The following APLF variants were observed in gnomAD, a reference collection of about 807,000 sequenced individuals.
The protein encoded by APLF is aprataxin and PNKP like factor, also known as aprataxin and PNK-like factor.
In APLF, 61 loss-of-function variants were observed where a neutral mutation model predicts 55.6. That is an observed-to-expected ratio of 1.10 (90% CI 0.89 to 1.36). The LOEUF is 1.36. Among genes scored for constraint, APLF ranks in the 40% most tolerant of loss-of-function variants. The pLI, the probability that APLF is intolerant of heterozygous loss-of-function variation, is 0.00. For synonymous variants in APLF, 207 were observed against 214.8 expected (o/e 0.96, Z 0.32); for missense variants, 611 against 602.5 (o/e 1.01, Z -0.15).
chr2:68,554,817 G>GA (rs913685247), intron 8 of APLF, among the ~76,000 whole-genome samples: 35 of 149,228 alleles, frequency 2.3e-4, no homozygotes, highest in Middle Eastern at 3.5e-3. Context: ...TAGGGTTTTA[G>GA]AAAAAAAAAT....
intron 2 of APLF, among the ~76,000 whole-genome samples, chr2:68,495,803 T>C (rs112025720): frequency 0.026 from 3,915 of 152,352 alleles, 67 homozygotes; most frequent in South Asian, 0.043. Flanking sequence ...GCACTCTGTG[T>C]ACCCACAGGC....
At chr2:68,548,571 A>G (rs1189061300) in intron 8 of APLF, among the ~76,000 whole-genome samples, 1 of 151,978 alleles carries the variant, frequency 6.6e-6, no homozygotes, top group African/African-American at 2.4e-5. Flanking sequence ...TATTCATTCA[A>G]CAAATTCTTT....
In APLF at chr2:68,578,655, T is replaced by C. The variant is rs1050372535; in HGVS notation, c.*633T>C. ...AGGGAATGTTATTTTGTGTTCCACA[T>C]CTGCAATTTACTGTATGTTTGAATT... On this transcript the variant is annotated 3_prime_UTR_variant, in exon 10 of 10. Coordinates refer to ENST00000303795, the MANE Select transcript of APLF (RefSeq NM_173545.3). 4.1e-6 allele frequency: 4 copies of C among 985,232 alleles called. No individual in the cohort carries two copies. In the African/African-American group the frequency reaches 7.0e-5, roughly 17 times the overall value. The allele number at this position is 985,232 out of a possible 1,614,324, so 61.0% of individuals were successfully genotyped here. A position where few individuals can be genotyped will look rare whatever the true frequency, so the allele number is the denominator to read the frequency against.
intron 2 of APLF, among the ~76,000 whole-genome samples, chr2:68,491,988 A>G (rs1489544969): frequency 1.3e-5 from 2 of 152,240 alleles, no homozygotes; most frequent in African/African-American, 2.4e-5. Context: ...TATCAAAAAT[A>G]GGTGATTAGA....
Position 68,475,881 on chromosome 2 carries a change from T to TTATATATATA in APLF, c.96+8062_96+8071dup, listed in dbSNP as rs141693033. ...CCAGTCTGGATTCAGTTTAAGTCTTTTATATATATATATATATTTTACTTA... is the reference window on the plus strand; with the variant it reads ...CCAGTCTGGATTCAGTTTAAGTCTTTTATATATATATATATATATATATATATTTTACTTA... On this transcript the variant is annotated intron_variant, in intron 1 of 9. Transcript: ENST00000303795. Among the ~76,000 whole-genome samples, 406 of 148,718 alleles carry TTATATATATA rather than the reference T, an allele frequency of 2.7e-3. 4 individuals carry two copies. The highest frequency in any genetic ancestry group is 9.2e-3 in the African/African-American group (372 of 40,470).
chr2:68,481,082 TTG>T (rs1675935339), intron 1 of APLF, among the ~76,000 whole-genome samples: 1 of 152,170 alleles, frequency 6.6e-6, no homozygotes, highest in African/African-American at 2.4e-5. Context: ...TTCTTTTTGT[TTG>T]TGTGTCCTTG....
In APLF at chr2:68,513,243, T is replaced by A; in HGVS notation, c.489+16T>A. 6.3e-7 allele frequency: 1 copy of A among 1,593,234 alleles called. No individual in the cohort carries two copies. Among genetic ancestry groups the A allele is most frequent in the Non-Finnish European group, 8.5e-7 (1 of 1,172,184 alleles). ...AAATAGTGTGGTGAGAAATTTGATA[T>A]CTCATCCATTTATAACATGTTCTTC... On this transcript the variant is annotated intron_variant, in intron 4 of 9. Coordinates refer to ENST00000303795, the MANE Select transcript of APLF (RefSeq NM_173545.3).
At chr2:68,483,833 A>C (rs533543001) in intron 1 of APLF, among the ~76,000 whole-genome samples, 2 of 152,294 alleles carry the variant, frequency 1.3e-5, no homozygotes, top group East Asian at 3.9e-4. Context: ...ACCAAGTTAC[A>C]TGAGAACATT....
chr2:68,499,702 G>C (rs990195520), intron 2 of APLF, among the ~76,000 whole-genome samples: 3 of 152,068 alleles, frequency 2.0e-5, no homozygotes, highest in Non-Finnish European at 4.4e-5. Flanking sequence ...AGCCAGTTGT[G>C]GTGGCGGGCG....
intron 1 of APLF, among the ~76,000 whole-genome samples, chr2:68,470,547 T>A (rs1675585833): frequency 6.6e-6 from 1 of 152,206 alleles, no homozygotes; most frequent in African/African-American, 2.4e-5. Flanking sequence ...CTTAAGAAAT[T>A]TAATTTAAAA....
At chr2:68,489,392 T>C (rs1295853943) in intron 1 of APLF, among the ~76,000 whole-genome samples, 1 of 152,226 alleles carries the variant, frequency 6.6e-6, no homozygotes, top group East Asian at 1.9e-4. Context: ...GTGCTTAACA[T>C]GTTTTCATTA....
chr2:68,568,414 A>G, intron 9 of APLF: 1 of 663,570 alleles, frequency 1.5e-6, no homozygotes, highest in Non-Finnish European at 1.9e-6. Flanking sequence ...TTATTGAAAC[A>G]CACTTTAGTG....
At chr2:68,492,057 TAATC>T (rs1415227791) in intron 2 of APLF, among the ~76,000 whole-genome samples, 3 of 152,250 alleles carry the variant, frequency 2.0e-5, no homozygotes, top group Non-Finnish European at 4.4e-5. Context: ...TTCTCAGTGT[TAATC>T]AAGGACATTT....
intron 9 of APLF, among the ~76,000 whole-genome samples, chr2:68,570,289 T>G (rs796127104): frequency 2.1e-5 from 2 of 96,884 alleles, no homozygotes; most frequent in Non-Finnish European, 3.9e-5. Context: ...TTTTTTTTAA[T>G]ATATATATAT....
At chr2:68,544,625 A>G (rs1670649158) in intron 7 of APLF, among the ~76,000 whole-genome samples, 1 of 152,188 alleles carries the variant, frequency 6.6e-6, no homozygotes, top group African/African-American at 2.4e-5. Flanking sequence ...TAAATATCCT[A>G]TATAAACAAA....
intron 2 of APLF, 49 bp from the exon 3 acceptor site, chr2:68,502,682 G>T (rs1389368544): frequency 1.8e-6 from 2 of 1,109,814 alleles, no homozygotes; most frequent in East Asian, 3.1e-5. Flanking sequence ...CAACATTATT[G>T]TATTATATTC....
At chr2:68,567,665 A>G (rs113734692) in intron 9 of APLF, among the ~76,000 whole-genome samples, 2,886 of 152,222 alleles carry the variant, frequency 0.019, 45 homozygotes, top group Middle Eastern at 0.034. Context: ...AAACTGGCCT[A>G]AATGATAATT....
At chr2:68,484,964 C>CTGTGTGTG (rs143959201) in intron 1 of APLF, among the ~76,000 whole-genome samples, 1 of 150,154 alleles carries the variant, frequency 6.7e-6, no homozygotes, top group African/African-American at 2.4e-5. Context: ...TGTAATATGC[C>CTGTGTGTG]TGTGTGTGTG....
At chr2:68,482,203 G>A (rs184920089) in intron 1 of APLF, among the ~76,000 whole-genome samples, 13 of 151,882 alleles carry the variant, frequency 8.6e-5, no homozygotes, top group Admixed American at 4.6e-4. Flanking sequence ...TCATCTGGTG[G>A]AATAGTTGCC....
Sources: gnomAD v4.1 joint callset for allele counts (sites outside exome capture counted in the v4.1 genomes callset) on GRCh38, gnomAD v4.1.1 for gene constraint, MANE v1.5 for transcripts, NCBI Gene and HGNC (gene_info 2026-07-23, HGNC 2026-07-21) for gene names.